ZNF398: variants seen among roughly 807,000 people sequenced by gnomAD.
ZNF398 encodes the protein zinc finger protein 398.
ZNF398 carries 18 observed loss-of-function variants against 41.9 expected under a neutral mutation model. The observed-to-expected ratio is 0.43, with a 90% confidence interval of 0.30 to 0.64. The LOEUF is 0.64. Among genes scored for constraint, ZNF398 ranks in the 30% least tolerant of loss-of-function variants. The probability of loss-of-function intolerance (pLI) is 0.14; values close to 1 mark genes in which losing one functional copy is unlikely to be tolerated. For missense variants in ZNF398, 669 were observed against 822.8 expected (o/e 0.81, Z 2.29); for synonymous variants, 260 against 308.8 (o/e 0.84, Z 1.66).
At chr7:149,127,606 C>G (rs1405393495) in intron 1 of ZNF398, among the ~76,000 whole-genome samples, 1 of 150,196 alleles carries the variant, frequency 6.7e-6, no homozygotes, top group Non-Finnish European at 1.5e-5. Context: ...AGTCCCAGCT[C>G]CTAGGGAGGC....
At chr7:149,135,233 C>T (rs1454483782) in intron 2 of ZNF398, among the ~76,000 whole-genome samples, 1 of 150,984 alleles carries the variant, frequency 6.6e-6, no homozygotes, top group African/African-American at 2.4e-5. Flanking sequence ...ACTAAAAATA[C>T]CAAAAAAATA....
chr7:149,177,685 G>A (rs1340857429), intron 5 of ZNF398, among the ~76,000 whole-genome samples: 1 of 152,178 alleles, frequency 6.6e-6, no homozygotes, highest in African/African-American at 2.4e-5. Flanking sequence ...TGATCTGATA[G>A]AATACAGAGA....
chr7:149,130,391 C>T (rs1826572752), intron 2 of ZNF398, among the ~76,000 whole-genome samples: 1 of 152,210 alleles, frequency 6.6e-6, no homozygotes, highest in Non-Finnish European at 1.5e-5. Context: ...CAACTGTGCC[C>T]AGCCTTTTCC....
intron 2 of ZNF398, among the ~76,000 whole-genome samples, chr7:149,136,743 T>C (rs1826722159): frequency 6.6e-6 from 1 of 151,844 alleles, no homozygotes; most frequent in Non-Finnish European, 1.5e-5. Flanking sequence ...AATTTTTTAA[T>C]ATTTTTAGTA....
chr7:149,152,362 G>C (rs991634325), intron 1 of ZNF398, among the ~76,000 whole-genome samples: 1 of 148,274 alleles, frequency 6.7e-6, no homozygotes, highest in Admixed American at 6.9e-5. Flanking sequence ...CTGGGTTCAC[G>C]CCATTCTGCT....
chr7:149,151,776 T>G (rs965676467), intron 1 of ZNF398, among the ~76,000 whole-genome samples: 22 of 150,426 alleles, frequency 1.5e-4, no homozygotes, highest in African/African-American at 5.4e-4. Context: ...AACAAAAATT[T>G]CTTTCTTTTT....
chr7:149,147,830 G>T lies in ZNF398; in HGVS notation c.24+64G>T. 1 of 1,320,160 alleles carries T rather than the reference G, an allele frequency of 7.6e-7. No homozygotes were observed. Among genetic ancestry groups the T allele is most frequent in the Non-Finnish European group, 9.7e-7 (1 of 1,030,910 alleles). 81.8% of individuals were successfully genotyped at this position (1,320,160 alleles called of 1,614,324 possible). A position where few individuals can be genotyped will look rare whatever the true frequency, so the allele number is the denominator to read the frequency against. On this transcript the variant is annotated intron_variant, in intron 1 of 5. Coordinates refer to ENST00000475153, the MANE Select transcript of ZNF398 (RefSeq NM_170686.3). This position sits in a 1 kb window ranked among gnomAD's most constrained non-coding sequence, Gnocchi z 5.6. ...ACCCAGACCCCGAGGGAGGAAGGCG[G>T]GCGGGCAGGGAGCTGCCAGGCATAG...
In ZNF398 at chr7:149,147,870, T is replaced by C; in HGVS notation, c.24+104T>C. On this transcript the variant is annotated intron_variant, in intron 1 of 5. Transcript: ENST00000475153. The surrounding 1 kb of genome is among the most constrained non-coding windows in gnomAD (Gnocchi z 5.6). ...GCCAGGCATAGGCGCCGTTCTCGGGTCCCGCCGGCCACGTCGCCTGTCGCC... is the reference window on the plus strand; with the variant it reads ...GCCAGGCATAGGCGCCGTTCTCGGGCCCCGCCGGCCACGTCGCCTGTCGCC... The C allele has an allele frequency of 1.6e-6, 2 of 1,254,232 alleles. No homozygotes were observed. Among genetic ancestry groups the C allele is most frequent in the Non-Finnish European group, 2.0e-6 (2 of 982,104 alleles). 77.7% of individuals were successfully genotyped at this position (1,254,232 alleles called of 1,614,324 possible).
In ZNF398 at chr7:149,166,255, A is replaced by G; in HGVS notation, c.518A>G (p.Lys173Arg). The G allele has an allele frequency of 6.2e-7, 1 of 1,614,110 alleles. No homozygotes were observed. The highest frequency in any genetic ancestry group is 1.1e-5 in the South Asian group (1 of 91,072). Residue 173 changes from lysine (K) to arginine (R), a missense_variant, in exon 3 of 6, where the codon AAG becomes AGG. Physicochemically the swap from Lys to Arg is conservative, Grantham distance 26. Transcript: ENST00000475153. ...WQKELYKNIM[K>R]GNYESLISMD... is the part of the protein sequence containing the mutation. ...AAGGAACTTTACAAGAATATCATGAAGGGCAACTACGAGTCTCTCATCTCC... is the reference window on the plus strand; with the variant it reads ...AAGGAACTTTACAAGAATATCATGAGGGGCAACTACGAGTCTCTCATCTCC...
chr7:149,132,486 G>A (rs1412570123), intron 2 of ZNF398, among the ~76,000 whole-genome samples: 24 of 152,130 alleles, frequency 1.6e-4, no homozygotes, highest in African/African-American at 4.6e-4. Context: ...TAGCCACCCC[G>A]CCCGGCCTAG....
intron 2 of ZNF398, among the ~76,000 whole-genome samples, chr7:149,160,445 C>T (rs1292229240): frequency 6.6e-6 from 1 of 152,104 alleles, no homozygotes; most frequent in African/African-American, 2.4e-5. Flanking sequence ...TCCCTACATG[C>T]AGTCTTAACC....
chr7:149,148,622 T>A, intron 1 of ZNF398: 1 of 325,428 alleles, frequency 3.1e-6, no homozygotes, highest in Non-Finnish European at 4.4e-6. Flanking sequence ...CTTGGACCTG[T>A]TTTTCTTTTT....
chr7:149,178,936 A>G lies in ZNF398; in HGVS notation c.1064A>G (p.Asp355Gly). Residue 355 changes from aspartate to glycine, a missense_variant, in exon 6 of 6, where the codon GAC becomes GGC. Physicochemically the swap from Asp to Gly is moderately conservative, Grantham distance 94 (BLOSUM62 -1). Coordinates refer to ENST00000475153, the MANE Select transcript of ZNF398 (RefSeq NM_170686.3). ...CACTGTGGCAAGAATCTCAGCCAAG[A>G]CATGTTGCTGACCCACCAATGTAGC... ...CHHCGKNLSQ[D>G]MLLTHQCSHA... 1 of 1,614,136 alleles carries G rather than the reference A, an allele frequency of 6.2e-7. No individual in the cohort carries two copies. The highest frequency in any genetic ancestry group is 8.5e-7 in the Non-Finnish European group (1 of 1,180,028).
intron 2 of ZNF398, among the ~76,000 whole-genome samples, chr7:149,155,629 C>G (rs1014883175): frequency 6.9e-6 from 1 of 145,782 alleles, no homozygotes; most frequent in African/African-American, 2.5e-5. Flanking sequence ...GGATTTTTAA[C>G]TAAGGTGTAA....
Position 149,137,702 on chromosome 7 carries a change from G to A in ZNF398, c.-490+8758G>A, listed in dbSNP as rs1027305773. 2.6e-5 allele frequency among the ~76,000 whole-genome samples: 4 copies of A among 152,124 alleles called. 1 individual carries two copies. The highest frequency in any genetic ancestry group is 4.8e-5 in the African/African-American group (2 of 41,530). ...GCATGTAGATACTTTTTATCATGTT[G>A]TGCTAATTCCCTTTCATCCCTAGTT... is the stretch of plus-strand genomic sequence containing the variant. On this transcript the variant is annotated intron_variant, in intron 2 of 6. Coordinates refer to the ZNF398 transcript ENST00000426851.
At chr7:149,153,589 G>T (rs533988857) in intron 1 of ZNF398, among the ~76,000 whole-genome samples, 8 of 152,188 alleles carry the variant, frequency 5.3e-5, no homozygotes, top group African/African-American at 1.9e-4. Flanking sequence ...TTATCAGAGG[G>T]CACTAGGTTC....
chr7:149,163,566 G>A (rs1452187470), intron 2 of ZNF398, among the ~76,000 whole-genome samples: 2 of 152,014 alleles, frequency 1.3e-5, no homozygotes, highest in Non-Finnish European at 2.9e-5. Flanking sequence ...TAGAGACGGG[G>A]TTTCTCCATA....
chr7:149,151,244 A>G (rs1467707664), intron 1 of ZNF398: 1 of 1,244,650 alleles, frequency 8.0e-7, no homozygotes, highest in South Asian at 1.4e-5. Flanking sequence ...TGGAGAAAGA[A>G]TGATTGGACT....
intron 4 of ZNF398, among the ~76,000 whole-genome samples, chr7:149,170,698 G>A (rs1442160120): frequency 6.6e-6 from 1 of 151,648 alleles, no homozygotes; most frequent in Non-Finnish European, 1.5e-5. Flanking sequence ...TTACACCACT[G>A]CACTCCAGCC....
Sources: gnomAD v4.1 joint callset for allele counts (sites outside exome capture counted in the v4.1 genomes callset) on GRCh38, gnomAD v4.1.1 for gene constraint, Gnocchi (gnomAD v3.1) non-coding constraint, MANE v1.5 for transcripts, NCBI Gene and HGNC (gene_info 2026-07-23, HGNC 2026-07-21) for gene names.